The following COLEC10 variants were observed in gnomAD, a reference collection of about 807,000 sequenced individuals.
COLEC10 encodes collectin subfamily member 10, also known as collectin-10.
Under a neutral mutation model 28.4 loss-of-function variants are expected in COLEC10, and 22 were observed. That is an observed-to-expected ratio of 0.78 (90% CI 0.55 to 1.11). The LOEUF (loss-of-function observed/expected upper bound fraction) is 1.11, where lower values mean the gene tolerates loss of function less well. Among genes scored for constraint, COLEC10 ranks in the 50% least tolerant of loss-of-function variants. COLEC10 has a pLI of 0.00. For synonymous variants in COLEC10, 125 were observed against 116.1 expected, an observed-to-expected ratio of 1.08 and a Z score of -0.49; for missense variants, 361 against 344.1, an observed-to-expected ratio of 1.05 and a Z score of -0.39.
intron 2 of COLEC10, among the ~76,000 whole-genome samples, chr8:119,046,627 GT>G (rs1814592071): frequency 6.6e-6 from 1 of 152,100 alleles, no homozygotes; most frequent in Non-Finnish European, 1.5e-5. Flanking sequence ...ACTATAGAAA[GT>G]TCAAGTGTTT....
In COLEC10 at chr8:119,089,630, CAT is replaced by C. The variant is rs1815548686; in HGVS notation, c.149-49_149-48del. 2.1e-6 allele frequency: 3 copies of C among 1,424,390 alleles called. No individual in the cohort carries two copies. In the South Asian group the frequency reaches 3.5e-5, roughly 16 times the overall value. The allele number at this position is 1,424,390 out of a possible 1,614,324, so 88.2% of individuals were successfully genotyped here. On this transcript the variant is annotated intron_variant, in intron 1 of 5. Transcript: ENST00000332843. The stretch of plus-strand genomic sequence containing the variant: ...CCACCTTACCCTGGGAGAATGTGCT[CAT>C]GTTACTGTTTGAGATGCTTCACTCT...
At chr8:119,102,493 T>G in intron 4 of COLEC10, 92 bp downstream of exon 4, 1 of 1,095,202 alleles carries the variant, frequency 9.1e-7, no homozygotes, top group Non-Finnish European at 1.3e-6. Flanking sequence ...AAAGCAAGAG[T>G]CCTTTTAGTA....
rs112102588 is a variant in COLEC10, at chr8:119,073,038, C to T, written c.148+5609C>T. Among the ~76,000 whole-genome samples the T allele has an allele frequency of 2.7e-3, 409 of 152,294 alleles. 5 individuals carry two copies. The highest frequency in any genetic ancestry group is 9.5e-3 in the African/African-American group (394 of 41,552). On this transcript the variant is annotated intron_variant, in intron 1 of 5. Transcript: ENST00000332843. Reference sequence around the variant, plus strand: ...ATAGACAGATATGCCCAGGAAAGTCCAGATATTTTTCATACTCAAACTGGA... The same window carrying T: ...ATAGACAGATATGCCCAGGAAAGTCTAGATATTTTTCATACTCAAACTGGA...
chr8:119,012,646 T>C (rs996784357), intron 2 of COLEC10, among the ~76,000 whole-genome samples: 1 of 150,816 alleles, frequency 6.6e-6, no homozygotes, highest in Non-Finnish European at 1.5e-5. Context: ...TCAATTTATA[T>C]AATAGATATA....
At chr8:118,993,327 T>C (rs1216219765), upstream of COLEC10, among the ~76,000 whole-genome samples, 3 of 152,056 alleles carry the variant, frequency 2.0e-5, no homozygotes, top group Non-Finnish European at 4.4e-5. Flanking sequence ...TCTTTCTTCT[T>C]CTTGTTTTTT....
chr8:118,996,599 T>G (rs1259691755), intron 1 of COLEC10, among the ~76,000 whole-genome samples: 1 of 152,170 alleles, frequency 6.6e-6, no homozygotes, highest in Non-Finnish European at 1.5e-5. Context: ...TACATTTATT[T>G]GATTATTAGT....
chr8:119,084,562 T>C (rs1815432391), intron 1 of COLEC10, among the ~76,000 whole-genome samples: 1 of 152,236 alleles, frequency 6.6e-6, no homozygotes, highest in South Asian at 2.1e-4. Flanking sequence ...AGATTGTATA[T>C]AGCACAGCAG....
intron 3 of COLEC10, among the ~76,000 whole-genome samples, chr8:119,100,848 A>C (rs1815811594): frequency 6.6e-6 from 1 of 152,180 alleles, no homozygotes; most frequent in Non-Finnish European, 1.5e-5. Flanking sequence ...CTGGACTTCA[A>C]GGACCCCCAC....
At chr8:119,095,359 G>T (rs939778969) in intron 3 of COLEC10, among the ~76,000 whole-genome samples, 8 of 152,152 alleles carry the variant, frequency 5.3e-5, no homozygotes, top group Non-Finnish European at 1.2e-4. Flanking sequence ...TTGTTAATAT[G>T]CCAGTTCTTT....
chr8:118,975,189 A>G, the COLEC10 span, among the ~76,000 whole-genome samples: 1 of 152,068 alleles, frequency 6.6e-6, no homozygotes, highest in African/African-American at 2.4e-5. Context: ...CATTTTATTA[A>G]CATCCTAACA....
intron 2 of COLEC10, among the ~76,000 whole-genome samples, chr8:119,037,690 C>G (rs1465266866): frequency 1.3e-5 from 2 of 152,130 alleles, no homozygotes; most frequent in Non-Finnish European, 2.9e-5. Flanking sequence ...GGGAGGTTTC[C>G]ATTTCTGCTC....
chr8:119,072,910 G>A (rs1587042019), intron 1 of COLEC10, among the ~76,000 whole-genome samples: 1 of 152,248 alleles, frequency 6.6e-6, no homozygotes, highest in South Asian at 2.1e-4. Flanking sequence ...CTATTTTACT[G>A]GACATGGCTC....
At chr8:119,000,129 C>T (rs1336407328) in intron 1 of COLEC10, among the ~76,000 whole-genome samples, 1 of 152,092 alleles carries the variant, frequency 6.6e-6, no homozygotes, top group African/African-American at 2.4e-5. Flanking sequence ...ACACCTATTC[C>T]ATTATAACAG....
the COLEC10 span, among the ~76,000 whole-genome samples, chr8:118,968,330 C>A: frequency 6.6e-6 from 1 of 151,888 alleles, no homozygotes; most frequent in African/African-American, 2.4e-5. Flanking sequence ...TAACTAAAAT[C>A]TTTGCTCTTA....
chr8:119,005,858 A>G (rs60360696), intron 1 of COLEC10, among the ~76,000 whole-genome samples: 6,698 of 152,138 alleles, frequency 0.044, 215 homozygotes, highest in East Asian at 0.16. Context: ...GCTGAGTTAT[A>G]TAAAGTAGTT....
intron 1 of COLEC10, among the ~76,000 whole-genome samples, chr8:119,071,461 C>T (rs924743952): frequency 2.0e-5 from 3 of 152,118 alleles, no homozygotes; most frequent in Admixed American, 6.6e-5. Flanking sequence ...TGACTCAGGA[C>T]GTTGGCTCTT....
chr8:119,038,787 C>G (rs562880030), intron 2 of COLEC10, among the ~76,000 whole-genome samples: 2 of 152,260 alleles, frequency 1.3e-5, no homozygotes, highest in South Asian at 4.1e-4. Flanking sequence ...TTACTCAACA[C>G]CCGTGGATGG....
chr8:119,029,097 C>T (rs1218976892), intron 2 of COLEC10, among the ~76,000 whole-genome samples: 1 of 152,108 alleles, frequency 6.6e-6, no homozygotes, highest in African/African-American at 2.4e-5. Flanking sequence ...AGGGGCACCT[C>T]ACTAGCTGCG....
intron 1 of COLEC10, among the ~76,000 whole-genome samples, chr8:119,000,514 A>G (rs906781194): frequency 1.3e-5 from 2 of 152,168 alleles, no homozygotes; most frequent in Non-Finnish European, 2.9e-5. Flanking sequence ...CAATAATGGC[A>G]GAGTGAGAGG....
Sources: gnomAD v4.1 joint callset for allele counts (sites outside exome capture counted in the v4.1 genomes callset) on GRCh38, gnomAD v4.1.1 for gene constraint, MANE v1.5 for transcripts, NCBI Gene and HGNC (gene_info 2026-07-23, HGNC 2026-07-21) for gene names.